The following YY1 variants were observed in gnomAD, a reference collection of about 807,000 sequenced individuals.
The protein encoded by YY1 is YY1 transcription factor, also known as transcriptional repressor protein YY1.
Under a neutral mutation model 35.6 loss-of-function variants are expected in YY1, and 2 were observed. That is an observed-to-expected ratio of 0.06 (90% confidence interval 0.02 to 0.18). The LOEUF (loss-of-function observed/expected upper bound fraction) is 0.18, where lower values mean the gene tolerates loss of function less well. Ranked by LOEUF, YY1 falls within the 10% of genes least tolerant of loss-of-function variation. The pLI is 1.00. For synonymous variants in YY1, 268 were observed against 238.9 expected (o/e 1.12, Z -1.12); for missense variants, 322 against 573.4 (o/e 0.56, Z 4.48).
Position 100,276,428 on chromosome 14 carries a change from A to T in YY1, c.904-62A>T, listed in dbSNP as rs560360755. On this transcript the variant is annotated intron_variant, in intron 3 of 4. Coordinates refer to ENST00000262238, the MANE Select transcript of YY1 (RefSeq NM_003403.5). The surrounding 1 kb of genome is among the most constrained non-coding windows in gnomAD (Gnocchi z 4.1). ...TTAATATGTCAGTAAAGGCTGTTAAATGGTTGAATCCTTTCTAACAGTTTG... is the reference window on the plus strand; with the variant it reads ...TTAATATGTCAGTAAAGGCTGTTAATTGGTTGAATCCTTTCTAACAGTTTG... The T allele has an allele frequency of 1.7e-5, 27 of 1,613,248 alleles. No individual in the cohort carries two copies. The African/African-American group carries it at 3.5e-4, about 21-fold the overall frequency.
At chr14:100,274,492 A>G (rs1891292244) in intron 2 of YY1, among the ~76,000 whole-genome samples, 1 of 152,228 alleles carries the variant, frequency 6.6e-6, no homozygotes, top group African/African-American at 2.4e-5. Context: ...TAGCCTGAGC[A>G]TCCTTATCTG....
At chr14:100,257,743 T>G (rs1222577846) in intron 1 of YY1, among the ~76,000 whole-genome samples, 1 of 152,220 alleles carries the variant, frequency 6.6e-6, no homozygotes, top group African/African-American at 2.4e-5. Flanking sequence ...AAATGTTGCC[T>G]TAAGCCACCT....
At chr14:100,262,283 T>C in intron 1 of YY1, 21 bp from the exon 2 acceptor site, 1 of 1,612,794 alleles carries the variant, frequency 6.2e-7, no homozygotes, top group Non-Finnish European at 8.5e-7. Context: ...CAGCTAAAGA[T>C]AATCTCATGA....
chr14:100,260,427 A>G (rs1416302192), intron 1 of YY1, among the ~76,000 whole-genome samples: 1 of 48,510 alleles, frequency 2.1e-5, no homozygotes, highest in Non-Finnish European at 3.7e-5. Flanking sequence ...ATATATGAAT[A>G]TATATATATA....
At position 100,282,016 on chromosome 14, in the gene YY1, C is replaced by G. The variant is rs1891442010; in HGVS notation, c.*4416C>G. ...ACTTGACACGTTATCACCCAGTCCC[C>G]TTGTAAAATCTGGAATGGAGCGTTT... On this transcript the variant is annotated 3_prime_UTR_variant, in exon 5 of 5. Coordinates refer to ENST00000262238, the MANE Select transcript of YY1 (RefSeq NM_003403.5). 1 of 152,220 alleles carries G rather than the reference C, an allele frequency of 6.6e-6. No individual in the cohort carries two copies. The highest frequency in any genetic ancestry group is 2.4e-5 in the African/African-American group (1 of 41,444). 9.4% of individuals were successfully genotyped at this position (152,220 alleles called of 1,614,324 possible).
In YY1 at chr14:100,239,416, G is replaced by C; in HGVS notation, c.172G>C (p.Asp58His). The C allele has an allele frequency of 6.3e-7, 1 of 1,594,846 alleles. No homozygotes were observed. Among genetic ancestry groups the C allele is most frequent in the Non-Finnish European group, 8.5e-7 (1 of 1,172,186 alleles). Reference sequence around the variant, plus strand: ...CGACGACGAGGACGGCGGCGGTGGCGACCACGGCGGCGGGGGCGGCCACGG... The same window carrying C: ...CGACGACGAGGACGGCGGCGGTGGCCACCACGGCGGCGGGGGCGGCCACGG... ...DDDDEDGGGGDHGGGGGHGHA... is the reference protein window; with the variant it reads ...DDDDEDGGGGHHGGGGGHGHA... The change falls in exon 1 of 5, where the codon GAC (aspartate) becomes CAC (histidine). Residue 58 changes from aspartate to histidine, a missense_variant. This residue lies in a region of YY1 where 137 missense variants were observed against 167.0 expected (regional missense o/e 0.82). Transcript: ENST00000262238.
intron 1 of YY1, among the ~76,000 whole-genome samples, chr14:100,240,656 G>T (rs1438604493): frequency 6.6e-6 from 1 of 152,248 alleles, no homozygotes; most frequent in Non-Finnish European, 1.5e-5. Context: ...GGGCTCGCGT[G>T]TGCGGGCTCC....
chr14:100,270,794 AAGG>A (rs1472712408), intron 2 of YY1, among the ~76,000 whole-genome samples: 11 of 152,264 alleles, frequency 7.2e-5, no homozygotes, highest in Admixed American at 5.9e-4. Flanking sequence ...GAATGTTTCC[AAGG>A]AGTCCTAGGC....
intron 2 of YY1, among the ~76,000 whole-genome samples, chr14:100,272,954 G>GTTGT (rs34406679): frequency 0.64 from 90,393 of 141,068 alleles, 28,970 homozygotes; most frequent in South Asian, 0.8. Context: ...GTTTTTTGTT[G>GTTGT]TTTTTTTTTT....
intron 1 of YY1, among the ~76,000 whole-genome samples, chr14:100,245,638 G>A (rs1441174998): frequency 6.6e-6 from 1 of 151,710 alleles, no homozygotes; most frequent in Non-Finnish European, 1.5e-5. Context: ...ACGGAGTCTC[G>A]CTTTGTTGCC....
Position 100,262,333 on chromosome 14 carries a change from G to T in YY1, c.709G>T (p.Val237Leu). The change falls in exon 2 of 5, where the codon GTG (valine) becomes TTG (leucine). Residue 237 changes from valine (V) to leucine (L), a missense_variant. Physicochemically the swap from Val to Leu is conservative, Grantham distance 32. This residue lies in a region of YY1 where 152 missense variants were observed against 167.1 expected (regional missense o/e 0.91). Transcript: ENST00000262238. ...DEKKDIDHET[V>L]VEEQIIGENS... ...AAAAAAAGATATTGACCATGAGACA[G>T]TGGTTGAAGAACAGATCATTGGAGA... 6.2e-7 allele frequency: 1 copy of T among 1,614,008 alleles called. No homozygotes were observed. Among genetic ancestry groups the T allele is most frequent in the Non-Finnish European group, 8.5e-7 (1 of 1,180,018 alleles).
chr14:100,268,894 C>G (rs928579185), intron 2 of YY1, among the ~76,000 whole-genome samples: 4 of 152,140 alleles, frequency 2.6e-5, no homozygotes, highest in African/African-American at 9.7e-5. Context: ...GTTTCATCTC[C>G]CTTTCTGGGA....
chr14:100,271,912 C>G (rs539052097), intron 2 of YY1, among the ~76,000 whole-genome samples: 10 of 152,222 alleles, frequency 6.6e-5, no homozygotes, highest in Admixed American at 6.5e-4. Context: ...CACTGTGACC[C>G]TATCACACGA....
intron 2 of YY1, among the ~76,000 whole-genome samples, chr14:100,267,712 CAG>C (rs1211543979): frequency 2.6e-5 from 4 of 152,056 alleles, no homozygotes; most frequent in Admixed American, 2.6e-4. Flanking sequence ...TTAGTAGAGA[CAG>C]GGTTTCACCA....
chr14:100,241,219 A>C (rs1433050995), intron 1 of YY1, among the ~76,000 whole-genome samples: 1 of 152,244 alleles, frequency 6.6e-6, no homozygotes, highest in Admixed American at 6.5e-5. Flanking sequence ...TGTGATGATT[A>C]CGTTTAGTAC....
At chr14:100,256,141 CAAAA>C (rs556723844) in intron 1 of YY1, among the ~76,000 whole-genome samples, 6 of 132,064 alleles carry the variant, frequency 4.5e-5, no homozygotes, top group Non-Finnish European at 9.8e-5. Context: ...GACCCTGTCA[CAAAA>C]AAAAAAAAAC....
At chr14:100,258,435 G>T (rs1171411333) in intron 1 of YY1, among the ~76,000 whole-genome samples, 1 of 152,140 alleles carries the variant, frequency 6.6e-6, no homozygotes, top group East Asian at 1.9e-4. Flanking sequence ...TCTGTGAATG[G>T]ATAACCTTGG....
intron 1 of YY1, among the ~76,000 whole-genome samples, chr14:100,240,174 G>A (rs1288444771): frequency 6.9e-6 from 1 of 145,922 alleles, no homozygotes; most frequent in East Asian, 2.0e-4. Context: ...TCTCCGAGAG[G>A]GGGAAGCGCC....
At chr14:100,242,639 C>T (rs139491705) in intron 1 of YY1, among the ~76,000 whole-genome samples, 157 of 152,190 alleles carry the variant, frequency 1.0e-3, no homozygotes, top group African/African-American at 3.6e-3. Flanking sequence ...CCGCCTGCCT[C>T]GGCCTCCCAA....
Sources: allele counts gnomAD v4.1 joint callset (sites outside exome capture counted in the v4.1 genomes callset), GRCh38; gene constraint gnomAD v4.1.1; regional missense constraint gnomAD v4.1.1; non-coding constraint Gnocchi (gnomAD v3.1); transcripts MANE v1.5; gene names NCBI Gene and HGNC (gene_info 2026-07-23, HGNC 2026-07-21).